PCNX1: variants seen among roughly 807,000 people sequenced by gnomAD.
PCNX1 encodes pecanex 1.
A neutral mutation model predicts 242.2 loss-of-function variants in PCNX1; 78 were observed. The observed-to-expected ratio is 0.32, with a 90% confidence interval of 0.27 to 0.39. PCNX1 has a LOEUF of 0.39. Ranked by LOEUF, PCNX1 falls within the 10% of genes least tolerant of loss-of-function variation. The pLI, the probability that PCNX1 is intolerant of heterozygous loss-of-function variation, is 1.00. For missense variants in PCNX1, 2,581 were observed against 2,856.5 expected, an observed-to-expected ratio of 0.90 and a Z score of 2.20; for synonymous variants, 1,024 against 1,032.9, an observed-to-expected ratio of 0.99 and a Z score of 0.17.
At chr14:71,056,349 G>C (rs2061181462) in intron 25 of PCNX1, among the ~76,000 whole-genome samples, 1 of 152,114 alleles carries the variant, frequency 6.6e-6, no homozygotes, top group Non-Finnish European at 1.5e-5. Context: ...TTTCAGCTCT[G>C]GTATGTGCTT....
intron 6 of PCNX1, among the ~76,000 whole-genome samples, chr14:70,987,511 A>T (rs955534020): frequency 3.9e-5 from 6 of 152,178 alleles, no homozygotes; most frequent in African/African-American, 7.2e-5. Flanking sequence ...TTACCCCACA[A>T]GTAAAGGAAT....
In PCNX1 at chr14:71,033,918, T is replaced by TC. The variant is rs777281535; in HGVS notation, c.3669-12dup. ...TATCTATGTATTTTCTGTTTTTTTT[T>TC]CTTCACATAAAGCTCTTTAGTGCAA... On this transcript the variant is annotated splice_polypyrimidine_tract_variant and intron_variant, in intron 17 of 35. Transcript: ENST00000304743. The TC allele has an allele frequency of 9.2e-6, 13 of 1,419,838 alleles. No individual in the cohort carries two copies. Among genetic ancestry groups the TC allele is most frequent in the South Asian group, 3.7e-5 (3 of 81,170 alleles). The allele number at this position is 1,419,838 out of a possible 1,614,324, so 88.0% of individuals were successfully genotyped here.
intron 26 of PCNX1, among the ~76,000 whole-genome samples, chr14:71,064,647 C>A (rs1472002030): frequency 1.3e-5 from 2 of 152,124 alleles, no homozygotes; most frequent in African/African-American, 4.8e-5. Context: ...ACTTTAAGTT[C>A]TGGGGTACAT....
In PCNX1 at chr14:70,956,707, T is replaced by C. The variant is rs1001089060; in HGVS notation, c.363-5519T>C. Among the ~76,000 whole-genome samples, 10 of 152,288 alleles carry C rather than the reference T, an allele frequency of 6.6e-5. No homozygotes were observed. In the East Asian group the frequency reaches 1.2e-3, roughly 18 times the overall value. On this transcript the variant is annotated intron_variant, in intron 2 of 35. Transcript: ENST00000304743. ...GTGGGAAATAAAGAAAGAACAGATA[T>C]GATAACTTATTTGCAGAATGCTGAG...
At chr14:71,109,378 A>G (rs1387549813) in intron 34 of PCNX1, 74 bp from the exon 35 acceptor site, 1 of 1,327,914 alleles carries the variant, frequency 7.5e-7, no homozygotes, top group African/African-American at 1.5e-5. Context: ...TGTGAAAAGC[A>G]TTTTGTTTGA....
At chr14:70,948,627 A>G (rs970334741) in intron 2 of PCNX1, among the ~76,000 whole-genome samples, 1 of 151,004 alleles carries the variant, frequency 6.6e-6, no homozygotes, top group Non-Finnish European at 1.5e-5. Flanking sequence ...ATATATACAC[A>G]TATATAGTTG....
chr14:70,985,479 G>A (rs529321799), intron 6 of PCNX1, among the ~76,000 whole-genome samples: 2 of 152,340 alleles, frequency 1.3e-5, no homozygotes, highest in Admixed American at 6.5e-5. Flanking sequence ...CTCCCAAAGT[G>A]CTGGGATTAC....
chr14:70,966,936 G>A (rs1415992921), intron 3 of PCNX1, among the ~76,000 whole-genome samples: 2 of 152,134 alleles, frequency 1.3e-5, no homozygotes, highest in East Asian at 3.8e-4. Context: ...CTGGCAAATT[G>A]CAATGTCTTT....
At chr14:71,061,346 C>T (rs2061321018) in intron 26 of PCNX1, among the ~76,000 whole-genome samples, 1 of 152,168 alleles carries the variant, frequency 6.6e-6, no homozygotes, top group Non-Finnish European at 1.5e-5. Flanking sequence ...TCCTGAATTG[C>T]TCTGCCAGCA....
chr14:70,969,050 G>T lies in PCNX1; in HGVS notation c.544G>T (p.Asp182Tyr). The T allele has an allele frequency of 6.2e-7, 1 of 1,609,752 alleles. No homozygotes were observed. The highest frequency in any genetic ancestry group is 8.5e-7 in the Non-Finnish European group (1 of 1,176,212). The change falls in exon 5 of 36, where the codon GAT (aspartate) becomes TAT (tyrosine). Residue 182 changes from aspartate (D) to tyrosine (Y), a missense_variant. Physicochemically the swap from Asp to Tyr is radical, Grantham distance 160 (BLOSUM62 -3). This residue lies in a region of PCNX1 where 1,204 missense variants were observed against 1,216.7 expected (regional missense o/e 0.99). Transcript: ENST00000304743. ...TACAGACACTGCTAAGACTTCTGAT[G>T]ATATCAGTTTAAGTCTGGGCCAAAG... The part of the protein sequence containing the change: ...GDTDTAKTSD[D>Y]ISLSLGQSSS...
intron 8 of PCNX1, among the ~76,000 whole-genome samples, chr14:71,005,396 T>A (rs2059625770): frequency 6.6e-6 from 1 of 151,940 alleles, no homozygotes. Flanking sequence ...CAGCCCCAGC[T>A]ACTCAGGAAG....
chr14:71,010,754 C>T (rs1016642615), intron 9 of PCNX1, among the ~76,000 whole-genome samples: 4 of 152,052 alleles, frequency 2.6e-5, no homozygotes, highest in African/African-American at 9.7e-5. Context: ...TGATGGATCA[C>T]ATCTGTTTAA....
chr14:71,021,925 T>C (rs2060113351), intron 12 of PCNX1, among the ~76,000 whole-genome samples: 1 of 152,170 alleles, frequency 6.6e-6, no homozygotes, highest in African/African-American at 2.4e-5. Flanking sequence ...AGTGAAGTCA[T>C]CCTTTTTTAT....
At chr14:71,023,752 G>A (rs1046906502) in intron 13 of PCNX1, among the ~76,000 whole-genome samples, 5 of 152,034 alleles carry the variant, frequency 3.3e-5, no homozygotes, top group Admixed American at 2.0e-4. Context: ...ATTGTGAAAT[G>A]GGATCCAATT....
chr14:71,109,628 G>A, intron 35 of PCNX1, 36 bp downstream of exon 35: 2 of 1,612,076 alleles, frequency 1.2e-6, no homozygotes, highest in Non-Finnish European at 1.7e-6. Flanking sequence ...CTGGGGCTCT[G>A]CCTTTTTTGA....
At chr14:70,928,211 T>G (rs1390403836) in intron 1 of PCNX1, among the ~76,000 whole-genome samples, 1 of 152,198 alleles carries the variant, frequency 6.6e-6, no homozygotes, top group African/African-American at 2.4e-5. Context: ...TTTAATGTAT[T>G]TGCTCATAAG....
At chr14:70,990,099 A>G (rs2059119166) in intron 7 of PCNX1, among the ~76,000 whole-genome samples, 1 of 152,104 alleles carries the variant, frequency 6.6e-6, no homozygotes, top group South Asian at 2.1e-4. Context: ...ATTTTATTTC[A>G]TACTCCCCTG....
intron 1 of PCNX1, among the ~76,000 whole-genome samples, chr14:70,924,861 G>A (rs556030757): frequency 5.3e-5 from 8 of 152,078 alleles, no homozygotes; most frequent in African/African-American, 1.7e-4. Flanking sequence ...ACTGCTTGTT[G>A]GGATTACAGG....
intron 30 of PCNX1, among the ~76,000 whole-genome samples, chr14:71,094,182 G>A (rs913805285): frequency 2.0e-5 from 3 of 152,152 alleles, no homozygotes; most frequent in Non-Finnish European, 4.4e-5. Flanking sequence ...TCAAATGTCC[G>A]TTAGCAGACA....
Sources: allele counts gnomAD v4.1 joint callset (sites outside exome capture counted in the v4.1 genomes callset), GRCh38; gene constraint gnomAD v4.1.1; regional missense constraint gnomAD v4.1.1; transcripts MANE v1.5; gene names NCBI Gene and HGNC (gene_info 2026-07-23, HGNC 2026-07-21).